PPARGC1A: variants seen among roughly 807,000 people sequenced by gnomAD.
The protein encoded by PPARGC1A is peroxisome proliferator-activated receptor gamma coactivator 1-alpha.
PPARGC1A carries 25 observed loss-of-function variants against 88.7 expected under a neutral mutation model. The ratio of observed to expected loss-of-function variants is 0.28; its 90% CI spans 0.21 to 0.39. The LOEUF is 0.39. Ranked by LOEUF, PPARGC1A falls within the 10% of genes least tolerant of loss-of-function variation. The pLI is 1.00. For synonymous variants in PPARGC1A, 363 were observed against 355.6 expected, an observed-to-expected ratio of 1.02 and a Z score of -0.24; for missense variants, 880 against 968.7, an observed-to-expected ratio of 0.91 and a Z score of 1.22.
At chr4:24,420,283 T>C in the PPARGC1A span, among the ~76,000 whole-genome samples, 1 of 152,226 alleles carries the variant, frequency 6.6e-6, no homozygotes, top group Non-Finnish European at 1.5e-5. Context: ...CTGCTAAGTA[T>C]TCCATATTAA....
intron 1 of PPARGC1A, among the ~76,000 whole-genome samples, chr4:23,887,994 T>C (rs1328236644): frequency 6.6e-6 from 1 of 152,180 alleles, no homozygotes; most frequent in Non-Finnish European, 1.5e-5. Flanking sequence ...TATAGTGATA[T>C]AGGCCTATAT....
intron 12 of PPARGC1A, among the ~76,000 whole-genome samples, chr4:23,796,155 G>A (rs1349575957): frequency 2.6e-5 from 4 of 152,086 alleles, no homozygotes; most frequent in Admixed American, 1.3e-4. Flanking sequence ...CACCCTGGGA[G>A]TTAGGCAGAG....
chr4:24,271,285 T>A, the PPARGC1A span, among the ~76,000 whole-genome samples: 1 of 152,122 alleles, frequency 6.6e-6, no homozygotes, highest in African/African-American at 2.4e-5. Context: ...AATGCACAAT[T>A]CCTCCTCCAC....
intron 2 of PPARGC1A, among the ~76,000 whole-genome samples, chr4:23,853,651 G>A (rs1278958032): frequency 1.3e-5 from 2 of 152,110 alleles, no homozygotes; most frequent in South Asian, 2.1e-4. Flanking sequence ...CTCTCACCAA[G>A]AATATTAAGA....
chr4:23,979,172 T>C, the PPARGC1A span, among the ~76,000 whole-genome samples: 6 of 152,146 alleles, frequency 3.9e-5, no homozygotes, highest in African/African-American at 1.2e-4. Context: ...ACTAGCACCA[T>C]TTTTTTCTAA....
At chr4:23,844,803 AT>A (rs1727946679) in intron 2 of PPARGC1A, among the ~76,000 whole-genome samples, 1 of 126,354 alleles carries the variant, frequency 7.9e-6, no homozygotes, top group Non-Finnish European at 1.6e-5. Flanking sequence ...TATGATATAT[AT>A]TATTATAATA....
At chr4:23,986,424 G>A in the PPARGC1A span, among the ~76,000 whole-genome samples, 1 of 152,024 alleles carries the variant, frequency 6.6e-6, no homozygotes, top group Non-Finnish European at 1.5e-5. Context: ...TTAAAAGTAA[G>A]AGTTAATAAG....
At chr4:23,874,214 TATAA>T (rs1356536207) in intron 2 of PPARGC1A, among the ~76,000 whole-genome samples, 4 of 152,158 alleles carry the variant, frequency 2.6e-5, no homozygotes, top group Non-Finnish European at 5.9e-5. Flanking sequence ...GCTTCACCAT[TATAA>T]ATATGAAACA....
chr4:24,259,033 C>T, the PPARGC1A span, among the ~76,000 whole-genome samples: 2 of 152,142 alleles, frequency 1.3e-5, no homozygotes, highest in Non-Finnish European at 2.9e-5. Flanking sequence ...TAATCAAAAG[C>T]TCTACAGAAA....
chr4:24,223,286 G>A, the PPARGC1A span, among the ~76,000 whole-genome samples: 1 of 121,778 alleles, frequency 8.2e-6, no homozygotes, highest in Non-Finnish European at 1.6e-5. Flanking sequence ...GTCTTGCTCT[G>A]TGGCCCAGGC....
At chr4:24,061,743 C>A in the PPARGC1A span, among the ~76,000 whole-genome samples, 10 of 152,180 alleles carry the variant, frequency 6.6e-5, no homozygotes, top group Non-Finnish European at 1.3e-4. Context: ...ATTTGATGCT[C>A]ACACACAGTT....
upstream of PPARGC1A, among the ~76,000 whole-genome samples, chr4:23,906,956 A>T (rs1352340817): frequency 1.3e-5 from 2 of 152,136 alleles, no homozygotes; most frequent in Non-Finnish European, 2.9e-5. Context: ...GGCTTTGGGA[A>T]CTTTGTGGCT....
chr4:24,229,624 G>A, the PPARGC1A span, among the ~76,000 whole-genome samples: 1 of 151,430 alleles, frequency 6.6e-6, no homozygotes, highest in Non-Finnish European at 1.5e-5. Context: ...CTTGAGGTCA[G>A]GAGTTCAAGA....
chr4:24,117,685 T>C, the PPARGC1A span, among the ~76,000 whole-genome samples: 2 of 151,672 alleles, frequency 1.3e-5, no homozygotes, highest in South Asian at 2.1e-4. Context: ...TATCTGCCGC[T>C]TGATATGAGG....
At chr4:24,467,572 T>C in the PPARGC1A span, among the ~76,000 whole-genome samples, 138 of 152,182 alleles carry the variant, frequency 9.1e-4, 3 homozygotes, top group East Asian at 0.025. Context: ...CTGAATTCTT[T>C]ATGGTATTTG....
At chr4:23,824,916 G>C (rs749698943) in intron 5 of PPARGC1A, among the ~76,000 whole-genome samples, 1 of 152,084 alleles carries the variant, frequency 6.6e-6, no homozygotes, top group Non-Finnish European at 1.5e-5. Flanking sequence ...CTCCTAAAAC[G>C]TATAATTTTA....
chr4:23,953,036 T>C, the PPARGC1A span, among the ~76,000 whole-genome samples: 1 of 152,062 alleles, frequency 6.6e-6, no homozygotes, highest in Non-Finnish European at 1.5e-5. Context: ...TGAAAAGACA[T>C]TAAAGTTTGC....
At chr4:24,333,937 C>CAAAAA in the PPARGC1A span, among the ~76,000 whole-genome samples, 7 of 10,384 alleles carry the variant, frequency 6.7e-4, no homozygotes, top group Admixed American at 2.0e-3. Context: ...CCAACAACAA[C>CAAAAA]AACAAAAAAA....
chr4:24,095,111 G>C, the PPARGC1A span, among the ~76,000 whole-genome samples: 93 of 134,076 alleles, frequency 6.9e-4, no homozygotes, highest in East Asian at 0.019. Context: ...TTTAGAAATA[G>C]GGTCTTTTTT....
Sources: gnomAD v4.1 joint callset for allele counts (sites outside exome capture counted in the v4.1 genomes callset) on GRCh38, gnomAD v4.1.1 for gene constraint, MANE v1.5 for transcripts, NCBI Gene and HGNC (gene_info 2026-07-23, HGNC 2026-07-21) for gene names.